DLG2: variants seen among roughly 807,000 people sequenced by gnomAD.
The protein encoded by DLG2 is disks large homolog 2.
Under a neutral mutation model 132.5 loss-of-function variants are expected in DLG2, and 45 were observed. The ratio of observed to expected loss-of-function variants is 0.34; its 90% CI spans 0.27 to 0.44. The LOEUF (loss-of-function observed/expected upper bound fraction) is 0.44, where lower values mean the gene tolerates loss of function less well. Among genes scored for constraint, DLG2 ranks in the 20% least tolerant of loss-of-function variants. The pLI, the probability that DLG2 is intolerant of heterozygous loss-of-function variation, is 1.00. For missense variants in DLG2, 1,045 were observed against 1,196.9 expected (o/e 0.87, Z 1.87); for synonymous variants, 424 against 419.6 (o/e 1.01, Z -0.13).
chr11:85,145,075 A>G (rs942464117), intron 5 of DLG2, among the ~76,000 whole-genome samples: 14 of 151,578 alleles, frequency 9.2e-5, no homozygotes, highest in Admixed American at 4.6e-4. Flanking sequence ...TTTGAAGGCT[A>G]TTTTCCCTGG....
intron 6 of DLG2, among the ~76,000 whole-genome samples, chr11:84,891,713 A>G (rs1298590013): frequency 6.6e-6 from 1 of 152,214 alleles, no homozygotes; most frequent in Admixed American, 6.5e-5. Context: ...ATAGTAAAAG[A>G]TTAAAATATA....
chr11:83,675,230 C>T (rs2077480573), intron 18 of DLG2, among the ~76,000 whole-genome samples: 1 of 152,194 alleles, frequency 6.6e-6, no homozygotes, highest in Non-Finnish European at 1.5e-5. Context: ...ATTATATAAA[C>T]TTTGAATTAT....
At chr11:84,657,815 G>A (rs1196385959) in intron 6 of DLG2, among the ~76,000 whole-genome samples, 5 of 152,126 alleles carry the variant, frequency 3.3e-5, no homozygotes, top group African/African-American at 7.2e-5. Context: ...AATACTGCTC[G>A]CAGTCAAAAT....
At chr11:84,892,936 C>G (rs2089635940) in intron 6 of DLG2, among the ~76,000 whole-genome samples, 1 of 152,114 alleles carries the variant, frequency 6.6e-6, no homozygotes, top group Admixed American at 6.6e-5. Flanking sequence ...AGGTTTTCCA[C>G]AGCCCCCCAA....
At chr11:84,374,775 A>G (rs1020165377) in intron 7 of DLG2, among the ~76,000 whole-genome samples, 2 of 152,034 alleles carry the variant, frequency 1.3e-5, no homozygotes, top group African/African-American at 4.8e-5. Context: ...ACTATATCAA[A>G]ACCTTTGCTG....
intron 6 of DLG2, among the ~76,000 whole-genome samples, chr11:85,004,656 T>C (rs1382808572): frequency 6.6e-6 from 1 of 152,200 alleles, no homozygotes; most frequent in African/African-American, 2.4e-5. Flanking sequence ...TTTTCTCCCA[T>C]TCTGTAGACT....
intron 17 of DLG2, among the ~76,000 whole-genome samples, chr11:83,809,867 A>G (rs971240834): frequency 6.6e-6 from 1 of 152,182 alleles, no homozygotes; most frequent in African/African-American, 2.4e-5. Flanking sequence ...ATATTAGAAG[A>G]CAGATGCATG....
chr11:84,805,583 G>A (rs1419918045), intron 6 of DLG2, among the ~76,000 whole-genome samples: 2 of 152,036 alleles, frequency 1.3e-5, no homozygotes, highest in Admixed American at 6.6e-5. Context: ...TCAAGAGATC[G>A]GGTTGGTTGT....
chr11:84,859,457 CAT>C (rs1052128654), intron 6 of DLG2, among the ~76,000 whole-genome samples: 28 of 141,096 alleles, frequency 2.0e-4, no homozygotes, highest in East Asian at 1.2e-3. Flanking sequence ...TACATATATA[CAT>C]ATATATATAT....
intron 19 of DLG2, among the ~76,000 whole-genome samples, chr11:83,598,082 A>G (rs1489580659): frequency 6.6e-6 from 1 of 152,090 alleles, no homozygotes; most frequent in African/African-American, 2.4e-5. Context: ...TTGATTTGCT[A>G]TTTGCTCCGG....
chr11:84,147,434 G>A (rs2154247026), intron 9 of DLG2, among the ~76,000 whole-genome samples: 1 of 152,222 alleles, frequency 6.6e-6, no homozygotes, highest in African/African-American at 2.4e-5. Context: ...CATTTTATAT[G>A]CAGAGATTAG....
intron 6 of DLG2, among the ~76,000 whole-genome samples, chr11:84,590,716 C>T (rs1222458290): frequency 2.0e-5 from 3 of 152,116 alleles, no homozygotes; most frequent in African/African-American, 7.2e-5. Context: ...TCAATAGATG[C>T]TGCATCTCTC....
At chr11:83,893,193 C>A (rs1266591432) in intron 15 of DLG2, among the ~76,000 whole-genome samples, 2 of 152,200 alleles carry the variant, frequency 1.3e-5, no homozygotes, top group Non-Finnish European at 2.9e-5. Flanking sequence ...AACAGCGTCC[C>A]AACTGATTTT....
At chr11:84,361,360 TA>T (rs2098648779) in intron 7 of DLG2, among the ~76,000 whole-genome samples, 1 of 151,820 alleles carries the variant, frequency 6.6e-6, no homozygotes, top group Non-Finnish European at 1.5e-5. Context: ...TTACTTTCCA[TA>T]AAGAACAAAG....
At chr11:84,000,383 G>A (rs1230093473) in intron 11 of DLG2, among the ~76,000 whole-genome samples, 1 of 151,952 alleles carries the variant, frequency 6.6e-6, no homozygotes, top group Non-Finnish European at 1.5e-5. Flanking sequence ...ACCATAAAGG[G>A]ACCAAATATT....
At chr11:84,987,103 T>C (rs764230786) in intron 6 of DLG2, among the ~76,000 whole-genome samples, 2 of 152,174 alleles carry the variant, frequency 1.3e-5, no homozygotes, top group African/African-American at 4.8e-5. Flanking sequence ...TCAGTAGCAC[T>C]TCTGTACACC....
At chr11:84,372,514 T>C in intron 7 of DLG2, among the ~76,000 whole-genome samples, 1 of 152,208 alleles carries the variant, frequency 6.6e-6, no homozygotes, top group East Asian at 1.9e-4. Flanking sequence ...AATTATAGCT[T>C]TAACTTCCCA....
intron 3 of DLG2, among the ~76,000 whole-genome samples, chr11:85,552,904 C>T (rs1034597136): frequency 4.0e-5 from 6 of 151,400 alleles, no homozygotes; most frequent in African/African-American, 1.5e-4. Context: ...AAAACATGAT[C>T]AAATTCAGGA....
At chr11:83,670,756 T>C (rs2076702184) in intron 18 of DLG2, among the ~76,000 whole-genome samples, 1 of 152,212 alleles carries the variant, frequency 6.6e-6, no homozygotes, top group African/African-American at 2.4e-5. Flanking sequence ...GACAGATATA[T>C]TCCCAAATTC....
Sources: gnomAD v4.1 joint callset for allele counts (sites outside exome capture counted in the v4.1 genomes callset) on GRCh38, gnomAD v4.1.1 for gene constraint, MANE v1.5 for transcripts, NCBI Gene and HGNC (gene_info 2026-07-23, HGNC 2026-07-21) for gene names.